The following ATXN10 variants were observed in gnomAD, a reference collection of about 807,000 sequenced individuals.
ATXN10 encodes the protein ataxin-10.
A neutral mutation model predicts 52.9 loss-of-function variants in ATXN10; 28 were observed. The ratio of observed to expected loss-of-function variants is 0.53; its 90% CI spans 0.39 to 0.73. The LOEUF is 0.73. ATXN10 is among the 30% of genes least tolerant of loss of function. ATXN10 has a pLI of 0.00. For missense variants in ATXN10, 565 were observed against 577.0 expected (o/e 0.98, Z 0.21); for synonymous variants, 226 against 221.5 (o/e 1.02, Z -0.18).
Position 45,824,398 on chromosome 22 carries a change from TA to T in ATXN10, c.1237+17377del, listed in dbSNP as rs949916100. Among the ~76,000 whole-genome samples the T allele has an allele frequency of 5.3e-5, 8 of 152,224 alleles. No individual in the cohort carries two copies. Among genetic ancestry groups the T allele is most frequent in the African/African-American group, 1.4e-4 (6 of 41,460 alleles). ...TCCTGTAATTTAACATTGTAGCTTT[TA>T]TAGTACTTTGTAATTATGTGTTTAT... On this transcript the variant is annotated intron_variant, in intron 10 of 11. Coordinates refer to ENST00000252934, the MANE Select transcript of ATXN10 (RefSeq NM_013236.4). The surrounding 1 kb of genome is among the most constrained non-coding windows in gnomAD (Gnocchi z 5.2).
At chr22:45,743,996 C>T (rs533381511) in intron 9 of ATXN10, among the ~76,000 whole-genome samples, 15 of 152,106 alleles carry the variant, frequency 9.9e-5, no homozygotes, top group Admixed American at 7.9e-4. Flanking sequence ...GGTCAGTCTG[C>T]GTCTCCTAGG....
At chr22:45,755,528 TG>T (rs1409437497) in intron 9 of ATXN10, among the ~76,000 whole-genome samples, 4 of 152,166 alleles carry the variant, frequency 2.6e-5, no homozygotes, top group Non-Finnish European at 5.9e-5. Flanking sequence ...CACTAAGTTC[TG>T]GGGTTGGTTA....
rs71909499 is a variant in ATXN10, at chr22:45,717,691, TTAAAC to T, written c.648-719_648-715del. Among the ~76,000 whole-genome samples the T allele has an allele frequency of 3.8e-3, 573 of 152,318 alleles. 6 individuals are homozygous for T. The highest frequency in any genetic ancestry group is 0.013 in the African/African-American group (555 of 41,562). On this transcript the variant is annotated intron_variant, in intron 5 of 11. Coordinates refer to ENST00000252934, the MANE Select transcript of ATXN10 (RefSeq NM_013236.4). The stretch of plus-strand genomic sequence containing the variant: ...ATTGTATTTTTGTATTGTTAAGTGA[TTAAAC>T]TATGTGTCAATATATTTAATGCTTG...
At chr22:45,716,289 G>A (rs192213506) in intron 5 of ATXN10, among the ~76,000 whole-genome samples, 2 of 151,678 alleles carry the variant, frequency 1.3e-5, no homozygotes, top group African/African-American at 2.4e-5. Flanking sequence ...AAACGAAAGC[G>A]GCGCTTAGAG....
chr22:45,778,369 C>T (rs55839372), intron 9 of ATXN10, among the ~76,000 whole-genome samples: 62 of 152,290 alleles, frequency 4.1e-4, no homozygotes, highest in Non-Finnish European at 7.2e-4. Context: ...ATGGAGCTTG[C>T]GTCTCAGTGA....
Position 45,806,955 on chromosome 22 carries a change from C to T in ATXN10, c.1174-4C>T. ...GTGTATAAACTTATCTTCTTTCTCTCTAGGTAAATGAGCTGGATGGTATCC... is the reference window on the plus strand; with the variant it reads ...GTGTATAAACTTATCTTCTTTCTCTTTAGGTAAATGAGCTGGATGGTATCC... On this transcript the variant is annotated splice_polypyrimidine_tract_variant and splice_region_variant and intron_variant, in intron 9 of 11. Transcript: ENST00000252934. The T allele has an allele frequency of 6.2e-7, 1 of 1,611,878 alleles. No homozygotes were observed. The highest frequency in any genetic ancestry group is 8.5e-7 in the Non-Finnish European group (1 of 1,177,956).
chr22:45,738,971 G>A, intron 8 of ATXN10, 132 bp downstream of exon 8: 1 of 842,380 alleles, frequency 1.2e-6, no homozygotes, highest in South Asian at 1.5e-5. Context: ...TTTTTGAGAG[G>A]AATCACAGTG....
chr22:45,822,925 T>G (rs953211470), intron 10 of ATXN10, among the ~76,000 whole-genome samples: 1 of 152,198 alleles, frequency 6.6e-6, no homozygotes, highest in Admixed American at 6.5e-5. Flanking sequence ...GTTAGGTGTT[T>G]TAAAAACTGA....
At chr22:45,830,451 AATT>A (rs1300318495) in intron 10 of ATXN10, among the ~76,000 whole-genome samples, 9 of 152,238 alleles carry the variant, frequency 5.9e-5, no homozygotes, top group Admixed American at 2.6e-4. Flanking sequence ...TATATTTGCA[AATT>A]ATTTATTTGA....
rs1925017728 is a variant in ATXN10, at chr22:45,729,775, A to G, written c.894+185A>G. 4 of 719,534 alleles carry G rather than the reference A, an allele frequency of 5.6e-6. No individual in the cohort carries two copies. In the Admixed American group the frequency reaches 6.3e-5, roughly 11 times the overall value. 44.6% of individuals were successfully genotyped at this position (719,534 alleles called of 1,614,324 possible). On this transcript the variant is annotated intron_variant, in intron 7 of 11. Coordinates refer to ENST00000252934, the MANE Select transcript of ATXN10 (RefSeq NM_013236.4). Reference sequence around the variant, plus strand: ...AACAGTGTCCTTATTCCTACCATCCAGAGTCAATGACTTAGGCAAATTCTG... The same window carrying G: ...AACAGTGTCCTTATTCCTACCATCCGGAGTCAATGACTTAGGCAAATTCTG...
At chr22:45,689,635 A>G in intron 1 of ATXN10, 77 bp from the exon 2 acceptor site, 1 of 1,334,600 alleles carries the variant, frequency 7.5e-7, no homozygotes, top group South Asian at 1.2e-5. Flanking sequence ...ATAGTAGATA[A>G]AAGCAGTTTT....
intron 1 of ATXN10, chr22:45,675,690 A>G (rs1339684242): frequency 8.5e-5 from 13 of 152,186 alleles, no homozygotes; most frequent in Admixed American, 8.5e-4. Flanking sequence ...GAGACACCCT[A>G]AGCCTCTCAG....
chr22:45,736,294 A>C (rs1925293328), intron 7 of ATXN10, among the ~76,000 whole-genome samples: 1 of 152,188 alleles, frequency 6.6e-6, no homozygotes, highest in Non-Finnish European at 1.5e-5. Context: ...GACTGAATCA[A>C]AGCTCCAACA....
Position 45,702,788 on chromosome 22 carries a change from C to G in ATXN10, c.588C>G (p.Asn196Lys). Residue 196 changes from asparagine (N) to lysine (K), a missense_variant, in exon 5 of 12, where the codon AAC becomes AAG. Physicochemically the swap from Asn to Lys is moderately conservative, Grantham distance 94. Coordinates refer to ENST00000252934, the MANE Select transcript of ATXN10 (RefSeq NM_013236.4). The stretch of plus-strand genomic sequence containing the variant: ...AAAGAATGAAAGAACTGGAGGAGAA[C>G]CTCAATATTGCAATTGATGTCATAG... ...NHERMKELEE[N>K]LNIAIDVIDA... 6.2e-7 allele frequency: 1 copy of G among 1,614,008 alleles called. No homozygotes were observed. The highest frequency in any genetic ancestry group is 2.2e-5 in the East Asian group (1 of 44,848).
rs1330406555 is a variant in ATXN10, at chr22:45,772,209, T to C, written c.1173+31671T>C. On this transcript the variant is annotated intron_variant, in intron 9 of 11. Transcript: ENST00000252934. This position sits in a 1 kb window ranked among gnomAD's most constrained non-coding sequence, Gnocchi z 4.1. The stretch of plus-strand genomic sequence containing the variant: ...TTCCTAAAATTTTGTAGTTTTATGT[T>C]TTGTGTTTAGATCTAGGATCCATTT... Among the ~76,000 whole-genome samples the C allele has an allele frequency of 2.0e-5, 3 of 152,324 alleles. No homozygotes were observed. The East Asian group carries it at 5.8e-4, about 29-fold the overall frequency.
intron 9 of ATXN10, chr22:45,793,789 A>G: frequency 7.6e-7 from 1 of 1,319,896 alleles, no homozygotes; most frequent in African/African-American, 1.5e-5. Flanking sequence ...GTAAGCCCCC[A>G]AATTGGGACT....
rs1481840041 is a variant in ATXN10, at chr22:45,780,206, C to T, written c.1174-26753C>T. Among the ~76,000 whole-genome samples the T allele has an allele frequency of 6.6e-6, 1 of 152,152 alleles. No homozygotes were observed. Among genetic ancestry groups the T allele is most frequent in the East Asian group, 1.9e-4 (1 of 5,188 alleles). ...TCAAGCGATTACCCTGCTTCAGCCT[C>T]CTGAGTAGCTGGGATTACAGGCGTG... is the stretch of plus-strand genomic sequence containing the variant. On this transcript the variant is annotated intron_variant, in intron 9 of 11. Coordinates refer to ENST00000252934, the MANE Select transcript of ATXN10 (RefSeq NM_013236.4). The surrounding 1 kb of genome is among the most constrained non-coding windows in gnomAD (Gnocchi z 4.0).
Position 45,816,168 on chromosome 22 carries a change from G to A in ATXN10, c.1237+9146G>A, listed in dbSNP as rs1266205118. 2.6e-5 allele frequency among the ~76,000 whole-genome samples: 4 copies of A among 152,138 alleles called. No individual in the cohort carries two copies. The highest frequency in any genetic ancestry group is 7.2e-5 in the African/African-American group (3 of 41,424). ...CTCGGGAGGCTGAGGCAGGAGAATC[G>A]CTTGAACCTGCAAGGCGCAGGTTGT... On this transcript the variant is annotated intron_variant, in intron 10 of 11. Transcript: ENST00000252934. This position sits in a 1 kb window ranked among gnomAD's most constrained non-coding sequence, Gnocchi z 5.8.
chr22:45,720,891 G>A (rs1191143371), intron 6 of ATXN10, among the ~76,000 whole-genome samples: 1 of 152,166 alleles, frequency 6.6e-6, no homozygotes, highest in Admixed American at 6.5e-5. Context: ...CTGGCATTTG[G>A]TGAGGGCTCT....
Sources: gnomAD v4.1 joint callset for allele counts (sites outside exome capture counted in the v4.1 genomes callset) on GRCh38, gnomAD v4.1.1 for gene constraint, Gnocchi (gnomAD v3.1) non-coding constraint, MANE v1.5 for transcripts, NCBI Gene and HGNC (gene_info 2026-07-23, HGNC 2026-07-21) for gene names.